The following ETV1 variants were observed in gnomAD, a reference collection of about 807,000 sequenced individuals.
ETV1 encodes the protein ETS translocation variant 1.
Under a neutral mutation model 62.3 loss-of-function variants are expected in ETV1, and 27 were observed. The ratio of observed to expected loss-of-function variants is 0.43; its 90% CI spans 0.32 to 0.60. ETV1 has a LOEUF of 0.60. Ranked by LOEUF, ETV1 falls within the 20% of genes least tolerant of loss-of-function variation. The probability of loss-of-function intolerance (pLI) is 0.06; values close to 1 mark genes in which losing one functional copy is unlikely to be tolerated. For missense variants in ETV1, 605 were observed against 605.8 expected (o/e 1.00, Z 0.01); for synonymous variants, 222 against 199.6 (o/e 1.11, Z -0.94).
intron 6 of ETV1, among the ~76,000 whole-genome samples, chr7:13,959,911 A>T (rs1224994139): frequency 6.6e-5 from 9 of 136,974 alleles, no homozygotes; most frequent in South Asian, 4.7e-4. Flanking sequence ...AAAAAAAAAG[A>T]TCTATTCTCT....
At chr7:13,949,034 G>C (rs1329227200) in intron 6 of ETV1, among the ~76,000 whole-genome samples, 1 of 152,100 alleles carries the variant, frequency 6.6e-6, no homozygotes, top group African/African-American at 2.4e-5. Flanking sequence ...ACTTAGATCA[G>C]GGTGATGATG....
At chr7:13,909,760 A>C in intron 10 of ETV1, 60 bp from the exon 11 acceptor site, 1 of 1,349,358 alleles carries the variant, frequency 7.4e-7, no homozygotes, top group Non-Finnish European at 1.1e-6. Flanking sequence ...AAACACTTAA[A>C]ATATAACCAT....
Position 13,895,590 on chromosome 7 carries a change from G to A in ETV1, c.*276C>T. 1 of 411,320 alleles carries A rather than the reference G, an allele frequency of 2.4e-6. No individual in the cohort carries two copies. Among genetic ancestry groups the A allele is most frequent in the Non-Finnish European group, 4.4e-6 (1 of 228,702 alleles). 25.5% of individuals were successfully genotyped at this position (411,320 alleles called of 1,614,324 possible). A position where few individuals can be genotyped will look rare whatever the true frequency, so the allele number is the denominator to read the frequency against. On this transcript the variant is annotated 3_prime_UTR_variant, in exon 14 of 14. Transcript: ENST00000430479. ...CAAAACTTGTAGGACCCCATCCCAA[G>A]CCTAAGTAAAAAGTAATCCCCAAAT...
intron 12 of ETV1, among the ~76,000 whole-genome samples, chr7:13,905,135 G>T (rs1782827668): frequency 6.6e-6 from 1 of 151,602 alleles, no homozygotes; most frequent in Admixed American, 6.6e-5. Flanking sequence ...GTACATTCTC[G>T]AGTCAGATAA....
chr7:13,895,310 A>C lies in ETV1; in HGVS notation c.*556T>G, dbSNP rs919830577. The C allele has an allele frequency of 6.4e-5, 15 of 233,820 alleles. No homozygotes were observed. Among genetic ancestry groups the C allele is most frequent in the Admixed American group, 1.7e-4 (3 of 17,824 alleles). 14.5% of individuals were successfully genotyped at this position (233,820 alleles called of 1,614,324 possible). ...AAATAAAACAACAAACAGCAAATGCAATCGCTAAATACCTTTTTACAAGTG... is the reference window on the plus strand; with the variant it reads ...AAATAAAACAACAAACAGCAAATGCCATCGCTAAATACCTTTTTACAAGTG... On this transcript the variant is annotated 3_prime_UTR_variant, in exon 14 of 14. Coordinates refer to ENST00000430479, the MANE Select transcript of ETV1 (RefSeq NM_004956.5).
Position 13,895,107 on chromosome 7 carries a change from G to T in ETV1, c.*759C>A. On this transcript the variant is annotated 3_prime_UTR_variant, in exon 14 of 14. Transcript: ENST00000430479. ...ATGGGCTTCAAAATATTTAAAAGAC[G>T]GTATGATTTGTATCTAAACAGCAAG... is the stretch of plus-strand genomic sequence containing the variant. 1 of 233,272 alleles carries T rather than the reference G, an allele frequency of 4.3e-6. No homozygotes were observed. The highest frequency in any genetic ancestry group is 8.5e-6 in the Non-Finnish European group (1 of 117,856). 14.5% of individuals were successfully genotyped at this position (233,272 alleles called of 1,614,324 possible).
intron 9 of ETV1, among the ~76,000 whole-genome samples, chr7:13,930,138 C>T (rs1785918565): frequency 6.6e-6 from 1 of 152,148 alleles, no homozygotes; most frequent in Non-Finnish European, 1.5e-5. Flanking sequence ...CAATATTTTA[C>T]AGGTACATGG....
At chr7:13,930,894 G>A (rs900182067) in intron 9 of ETV1, among the ~76,000 whole-genome samples, 21 of 151,502 alleles carry the variant, frequency 1.4e-4, no homozygotes, top group Admixed American at 4.6e-4. Context: ...TCTGCCTCCC[G>A]GGTTCAAGCG....
chr7:13,937,124 A>G (rs1011464196), intron 7 of ETV1, among the ~76,000 whole-genome samples: 1 of 152,216 alleles, frequency 6.6e-6, no homozygotes, highest in African/African-American at 2.4e-5. Flanking sequence ...TTTGAATTAA[A>G]TTATGTAATA....
At chr7:13,919,548 CAACT>C (rs145625394) in intron 9 of ETV1, among the ~76,000 whole-genome samples, 11,764 of 139,718 alleles carry the variant, frequency 0.084, 553 homozygotes, top group Middle Eastern at 0.16. Flanking sequence ...TTGTTAGAAA[CAACT>C]AAATAGAAAC....
At chr7:13,962,180 T>TAC (rs113827897) in intron 6 of ETV1, among the ~76,000 whole-genome samples, 3,338 of 147,760 alleles carry the variant, frequency 0.023, 96 homozygotes, top group East Asian at 0.14. Context: ...CAATGTTATG[T>TAC]ACACACACAC....
intron 9 of ETV1, among the ~76,000 whole-genome samples, chr7:13,930,600 C>A (rs530135847): frequency 1.3e-5 from 2 of 151,952 alleles, no homozygotes; most frequent in African/African-American, 4.8e-5. Context: ...GGATTACAGG[C>A]GTGAGCCACC....
intron 6 of ETV1, among the ~76,000 whole-genome samples, chr7:13,960,042 A>G (rs1789985924): frequency 6.6e-6 from 1 of 152,040 alleles, no homozygotes; most frequent in African/African-American, 2.4e-5. Flanking sequence ...GCTCTTTCAC[A>G]GATCTGTAAT....
chr7:13,952,084 G>A (rs1788886750), intron 6 of ETV1, among the ~76,000 whole-genome samples: 1 of 152,210 alleles, frequency 6.6e-6, no homozygotes, highest in South Asian at 2.1e-4. Flanking sequence ...GAAAACGTCA[G>A]TTAGGACAAG....
At chr7:13,910,306 T>C (rs1359403575) in intron 10 of ETV1, among the ~76,000 whole-genome samples, 1 of 147,248 alleles carries the variant, frequency 6.8e-6, no homozygotes, top group Non-Finnish European at 1.5e-5. Context: ...TTCATAATAA[T>C]GTCCTCTCTC....
At chr7:13,951,201 C>G (rs1788783536) in intron 6 of ETV1, among the ~76,000 whole-genome samples, 2 of 152,082 alleles carry the variant, frequency 1.3e-5, no homozygotes, top group Admixed American at 6.6e-5. Flanking sequence ...CTCTCTCTCT[C>G]ACACACACAT....
chr7:13,945,205 T>G (rs1209617117), intron 6 of ETV1, among the ~76,000 whole-genome samples: 1 of 152,220 alleles, frequency 6.6e-6, no homozygotes, highest in African/African-American at 2.4e-5. Flanking sequence ...ACTTTTTAGG[T>G]GATGCTCATA....
intron 6 of ETV1, among the ~76,000 whole-genome samples, chr7:13,940,420 C>A (rs867749781): frequency 4.0e-5 from 6 of 150,784 alleles, no homozygotes; most frequent in Admixed American, 1.3e-4. Flanking sequence ...TTTTATTCTT[C>A]GATATGAAAC....
intron 6 of ETV1, among the ~76,000 whole-genome samples, chr7:13,977,066 T>C (rs1178004256): frequency 6.6e-6 from 1 of 152,234 alleles, no homozygotes; most frequent in East Asian, 1.9e-4. Context: ...CATCCAGGCA[T>C]TTCTCTGTAA....
Sources: gnomAD v4.1 joint callset for allele counts (sites outside exome capture counted in the v4.1 genomes callset) on GRCh38, gnomAD v4.1.1 for gene constraint, MANE v1.5 for transcripts, NCBI Gene and HGNC (gene_info 2026-07-23, HGNC 2026-07-21) for gene names.